MARCHF1: variants seen among roughly 807,000 people sequenced by gnomAD.
MARCHF1 encodes E3 ubiquitin-protein ligase MARCHF1.
A neutral mutation model predicts 54.2 loss-of-function variants in MARCHF1; 40 were observed. The observed-to-expected ratio is 0.74, with a 90% CI of 0.57 to 0.96. The LOEUF is 0.96. MARCHF1 is among the 40% of genes least tolerant of loss of function. MARCHF1 has a pLI of 0.00. For missense variants in MARCHF1, 586 were observed against 656.5 expected, an observed-to-expected ratio of 0.89 and a Z score of 1.17; for synonymous variants, 236 against 236.3, an observed-to-expected ratio of 1.00 and a Z score of 0.01.
chr4:164,214,960 T>C (rs1043874765), intron 1 of MARCHF1, among the ~76,000 whole-genome samples: 1 of 152,134 alleles, frequency 6.6e-6, no homozygotes, highest in African/African-American at 2.4e-5. Context: ...GGGCAGGCTG[T>C]GGGGCTCTGA....
intron 2 of MARCHF1, among the ~76,000 whole-genome samples, chr4:164,068,603 C>G (rs543368265): frequency 2.0e-5 from 3 of 152,172 alleles, no homozygotes; most frequent in Non-Finnish European, 2.9e-5. Context: ...GGGCAGCACT[C>G]GGGACCTGCA....
intron 1 of MARCHF1, among the ~76,000 whole-genome samples, chr4:164,347,190 C>CT (rs932226808): frequency 1.2e-4 from 19 of 152,130 alleles, no homozygotes; most frequent in African/African-American, 4.6e-4. Context: ...TGAATTTGCA[C>CT]TAAGCTAAAT....
At chr4:163,745,467 T>C (rs1196347058) in intron 4 of MARCHF1, among the ~76,000 whole-genome samples, 1 of 152,040 alleles carries the variant, frequency 6.6e-6, no homozygotes, top group Non-Finnish European at 1.5e-5. Context: ...ACCCCGCTGA[T>C]ACAAATACAC....
chr4:164,148,097 A>T, intron 1 of MARCHF1, among the ~76,000 whole-genome samples: 1 of 151,888 alleles, frequency 6.6e-6, no homozygotes, highest in Non-Finnish European at 1.5e-5. Flanking sequence ...CATTATGGTA[A>T]TAGCTCTCCA....
chr4:164,278,190 G>A (rs1485794507), intron 1 of MARCHF1, among the ~76,000 whole-genome samples: 2 of 152,092 alleles, frequency 1.3e-5, no homozygotes, highest in African/African-American at 4.8e-5. Context: ...TGTGCCTGTA[G>A]TACCAGCTAC....
chr4:164,148,365 C>A (rs571388336), intron 1 of MARCHF1, among the ~76,000 whole-genome samples: 1 of 152,190 alleles, frequency 6.6e-6, no homozygotes, highest in South Asian at 2.1e-4. Flanking sequence ...AAATGTCATA[C>A]CCCATAGATC....
At chr4:164,054,807 T>A (rs1277461347) in intron 2 of MARCHF1, among the ~76,000 whole-genome samples, 3 of 142,418 alleles carry the variant, frequency 2.1e-5, no homozygotes, top group Admixed American at 7.0e-5. Flanking sequence ...AGGGATAGCA[T>A]TGGGAGATAT....
chr4:164,356,279 T>G (rs79089239), intron 1 of MARCHF1, among the ~76,000 whole-genome samples: 13,850 of 86,758 alleles, frequency 0.16, 1,472 homozygotes, highest in Middle Eastern at 0.24. Flanking sequence ...TATACCCAAA[T>G]GACTATAAAT....
intron 1 of MARCHF1, among the ~76,000 whole-genome samples, chr4:164,354,296 C>A (rs1320758167): frequency 5.3e-5 from 7 of 131,512 alleles, no homozygotes; most frequent in Non-Finnish European, 1.2e-4. Context: ...CAAAGCCGGG[C>A]AGAGACACAA....
At chr4:163,801,368 C>T (rs1302108680) in intron 4 of MARCHF1, among the ~76,000 whole-genome samples, 1 of 151,792 alleles carries the variant, frequency 6.6e-6, no homozygotes, top group East Asian at 1.9e-4. Flanking sequence ...ATACTTTATG[C>T]ACCAGTTCTT....
chr4:163,643,277 G>A lies in MARCHF1; in HGVS notation c.163-29884C>T, dbSNP rs562097514. On this transcript the variant is annotated intron_variant, in intron 5 of 9. Coordinates refer to ENST00000514618, the MANE Select transcript of MARCHF1 (RefSeq NM_001394959.1). The stretch of plus-strand genomic sequence containing the variant: ...TGGGAGGCGGAGGTTGCAGTGAGCC[G>A]AGATGGCACCACTGCACTCCAGTAT... 1.2e-3 allele frequency among the ~76,000 whole-genome samples: 185 copies of A among 151,216 alleles called. 2 individuals carry two copies. In the South Asian group the frequency reaches 0.013, roughly 10 times the overall value.
At chr4:163,911,734 C>T (rs975742137) in intron 3 of MARCHF1, among the ~76,000 whole-genome samples, 1 of 152,106 alleles carries the variant, frequency 6.6e-6, no homozygotes, top group African/African-American at 2.4e-5. Context: ...CATATTTCTT[C>T]CTTCTCATAA....
At chr4:164,073,507 G>A (rs1296695109) in intron 2 of MARCHF1, among the ~76,000 whole-genome samples, 1 of 151,980 alleles carries the variant, frequency 6.6e-6, no homozygotes, top group East Asian at 1.9e-4. Context: ...GGAGTGGGGG[G>A]CAGGGGGAGG....
At chr4:163,690,387 T>C (rs929246632) in intron 5 of MARCHF1, among the ~76,000 whole-genome samples, 1 of 152,186 alleles carries the variant, frequency 6.6e-6, no homozygotes, top group Non-Finnish European at 1.5e-5. Context: ...AAAATGTTAT[T>C]GATCCTAGCT....
chr4:163,615,865 T>C (rs1741492092), intron 5 of MARCHF1, among the ~76,000 whole-genome samples: 1 of 152,070 alleles, frequency 6.6e-6, no homozygotes, highest in African/African-American at 2.4e-5. Context: ...CATGGCATTG[T>C]TATAAAAACA....
At chr4:163,613,280 G>T (rs1741407507) in intron 6 of MARCHF1, 34 bp downstream of exon 6, 5 of 1,567,084 alleles carry the variant, frequency 3.2e-6, no homozygotes, top group Non-Finnish European at 4.3e-6. Flanking sequence ...TTGATCCAAA[G>T]AATATAGATT....
chr4:163,602,704 T>C (rs1461409926), intron 7 of MARCHF1, among the ~76,000 whole-genome samples: 1 of 152,146 alleles, frequency 6.6e-6, no homozygotes, highest in Non-Finnish European at 1.5e-5. Context: ...GAATGCTTCA[T>C]TAGGTTGGTT....
chr4:163,877,000 A>G (rs1168950613), intron 3 of MARCHF1, among the ~76,000 whole-genome samples: 1 of 152,174 alleles, frequency 6.6e-6, no homozygotes, highest in African/African-American at 2.4e-5. Context: ...ATATTACAAC[A>G]TTATTTAATT....
intron 4 of MARCHF1, among the ~76,000 whole-genome samples, chr4:163,753,108 A>T (rs1167895451): frequency 1.3e-5 from 2 of 152,174 alleles, no homozygotes; most frequent in African/African-American, 4.8e-5. Flanking sequence ...ATAAAATAAC[A>T]AAATAAAATA....
Sources: allele counts gnomAD v4.1 joint callset (sites outside exome capture counted in the v4.1 genomes callset), GRCh38; gene constraint gnomAD v4.1.1; transcripts MANE v1.5; gene names NCBI Gene and HGNC (gene_info 2026-07-23, HGNC 2026-07-21).